The following PLAC9 variants were observed in gnomAD, a reference collection of about 807,000 sequenced individuals.
PLAC9 encodes the protein placenta-specific protein 9.
In PLAC9, 12 loss-of-function variants were observed where a neutral mutation model predicts 11.5. That is an observed-to-expected ratio of 1.05 (90% CI 0.67 to 1.69). PLAC9 has a LOEUF of 1.69. Among genes scored for constraint, PLAC9 ranks in the 40% most tolerant of loss-of-function variants. The pLI is 0.00. For missense variants in PLAC9, 132 were observed against 130.5 expected, an observed-to-expected ratio of 1.01 and a Z score of -0.06; for synonymous variants, 62 against 58.1, an observed-to-expected ratio of 1.07 and a Z score of -0.31.
upstream of PLAC9, chr10:80,131,762 T>C (rs1261875874): frequency 6.6e-6 from 1 of 152,286 alleles, no homozygotes; most frequent in African/African-American, 2.4e-5. Flanking sequence ...GTAACTGTTT[T>C]GGACAATTGC....
chr10:80,133,737 G>T (rs774928373), intron 1 of PLAC9, among the ~76,000 whole-genome samples: 1 of 152,150 alleles, frequency 6.6e-6, no homozygotes, highest in Non-Finnish European at 1.5e-5. Flanking sequence ...AAGCTCAGGA[G>T]ATCAAGACCA....
At chr10:80,144,159 C>G in intron 2 of PLAC9, 64 bp from the exon 3 acceptor site, 1 of 1,610,624 alleles carries the variant, frequency 6.2e-7, no homozygotes, top group Non-Finnish European at 8.5e-7. Flanking sequence ...CTCTTAGGAC[C>G]TAGCTGATGA....
chr10:80,144,061 C>G (rs1293976245), intron 2 of PLAC9, 162 bp from the exon 3 acceptor site: 1 of 885,778 alleles, frequency 1.1e-6, no homozygotes, highest in Non-Finnish European at 1.8e-6. Context: ...GAAACTGAGG[C>G]AGGTAGGGGC....
chr10:80,141,308 A>AC (rs1845037726), intron 1 of PLAC9, among the ~76,000 whole-genome samples: 1 of 151,784 alleles, frequency 6.6e-6, no homozygotes, highest in South Asian at 2.1e-4. Context: ...TGTTAAAATA[A>AC]CCCCCCTTGG....
chr10:80,138,950 C>T (rs1033471823), intron 1 of PLAC9, among the ~76,000 whole-genome samples: 4 of 136,264 alleles, frequency 2.9e-5, no homozygotes, highest in Non-Finnish European at 6.1e-5. Context: ...TTGCAATATT[C>T]CTTTTTTTTT....
At position 80,142,279 on chromosome 10, in the gene PLAC9, C is replaced by G. The variant is rs547169164; in HGVS notation, c.162+100C>G. The G allele has an allele frequency of 1.0e-5, 10 of 983,856 alleles. No homozygotes were observed. The African/African-American group carries it at 1.6e-4, about 16-fold the overall frequency. The allele number at this position is 983,856 out of a possible 1,614,324, so 60.9% of individuals were successfully genotyped here. ...GCTTGCTTTGGAATGTGAGGACATC[C>G]GGGCCGATCCTGCCCTGTGGCCACC... is the stretch of plus-strand genomic sequence containing the variant. On this transcript the variant is annotated intron_variant, in intron 2 of 3. Coordinates refer to ENST00000372263, the MANE Select transcript of PLAC9 (RefSeq NM_001012973.3).
chr10:80,137,127 T>C (rs970743925), intron 1 of PLAC9, among the ~76,000 whole-genome samples: 2 of 152,226 alleles, frequency 1.3e-5, no homozygotes, highest in African/African-American at 2.4e-5. Flanking sequence ...GAGGCCCCGA[T>C]GAGCTCACGG....
Position 80,145,059 on chromosome 10 carries a change from G to A in PLAC9, c.*149G>A, listed in dbSNP as rs1433141715. The A allele has an allele frequency of 6.8e-6, 7 of 1,025,026 alleles. No individual in the cohort carries two copies. Among genetic ancestry groups the A allele is most frequent in the Non-Finnish European group, 1.0e-5 (7 of 674,174 alleles). The allele number at this position is 1,025,026 out of a possible 1,614,324, so 63.5% of individuals were successfully genotyped here. On this transcript the variant is annotated 3_prime_UTR_variant, in exon 4 of 4. Coordinates refer to ENST00000372263, the MANE Select transcript of PLAC9 (RefSeq NM_001012973.3). Reference sequence around the variant, plus strand: ...TCTGTGTCTGCTGACAGAGTAACCCGTTTAACTACAGCCTCCTCTCACTCC... The same window carrying A: ...TCTGTGTCTGCTGACAGAGTAACCCATTTAACTACAGCCTCCTCTCACTCC...
chr10:80,136,188 G>C (rs575219314), intron 1 of PLAC9, among the ~76,000 whole-genome samples: 1 of 152,190 alleles, frequency 6.6e-6, no homozygotes, highest in Non-Finnish European at 1.5e-5. Flanking sequence ...CCACAGCAGC[G>C]TGTTCTCACC....
At chr10:80,140,927 G>A (rs1845032802) in intron 1 of PLAC9, among the ~76,000 whole-genome samples, 1 of 151,962 alleles carries the variant, frequency 6.6e-6, no homozygotes, top group Non-Finnish European at 1.5e-5. Flanking sequence ...CCTCTTCTTG[G>A]CCTCATGAGT....
In PLAC9 at chr10:80,145,322, A is replaced by G. The variant is rs1845091212; in HGVS notation, c.*412A>G. ...TTGCAATGAGACCCCCAGGGATTTT[A>G]TGTGTCCATTAAAGTGGTTTGTTGT... On this transcript the variant is annotated 3_prime_UTR_variant, in exon 4 of 4. Coordinates refer to ENST00000372263, the MANE Select transcript of PLAC9 (RefSeq NM_001012973.3). 2 of 294,074 alleles carry G rather than the reference A, an allele frequency of 6.8e-6. No individual in the cohort carries two copies. The highest frequency in any genetic ancestry group is 5.6e-5 in the Admixed American group (1 of 17,924). 18.2% of individuals were successfully genotyped at this position (294,074 alleles called of 1,614,324 possible).
upstream of PLAC9, chr10:80,132,631 C>G: frequency 1.4e-6 from 1 of 691,778 alleles, no homozygotes; most frequent in Non-Finnish European, 2.2e-6. Context: ...CGGGTTCTCT[C>G]GAGCCAGAAA....
chr10:80,140,467 C>T (rs1158358212), intron 1 of PLAC9, among the ~76,000 whole-genome samples: 2 of 152,206 alleles, frequency 1.3e-5, no homozygotes, highest in African/African-American at 4.8e-5. Context: ...CCGCTGCTTT[C>T]GGCCCTGCTG....
chr10:80,144,870 T>G (rs937947219), intron 3 of PLAC9, 30 bp from the exon 4 acceptor site: 1 of 1,562,140 alleles, frequency 6.4e-7, no homozygotes, highest in Non-Finnish European at 8.7e-7. Context: ...CACCCCAGCT[T>G]GCTCACTGGG....
upstream of PLAC9, chr10:80,132,719 C>A: frequency 7.0e-7 from 1 of 1,423,952 alleles, no homozygotes; most frequent in South Asian, 1.4e-5. Flanking sequence ...CCGGGAAGGG[C>A]GGCTGCGGGC....
chr10:80,138,359 T>TA (rs915049544), intron 1 of PLAC9, among the ~76,000 whole-genome samples: 2 of 152,166 alleles, frequency 1.3e-5, no homozygotes, highest in African/African-American at 4.8e-5. Context: ...ATACTTGCAT[T>TA]AAAAAAATAA....
chr10:80,142,119 T>C lies in PLAC9; in HGVS notation c.102T>C (p.Ala34=), dbSNP rs750250824. 2 of 1,611,494 alleles carry C rather than the reference T, an allele frequency of 1.2e-6. No homozygotes were observed. The highest frequency in any genetic ancestry group is 1.7e-6 in the Non-Finnish European group (2 of 1,178,020). The change falls in exon 2 of 4, where the codon GCT becomes GCC. Residue 34 remains alanine (A), a synonymous_variant. Coordinates refer to ENST00000372263, the MANE Select transcript of PLAC9 (RefSeq NM_001012973.3). ...EPFSPPRGDS[A]QSTACDRHMA... ...TCAGCCCTCCGCGAGGAGACTCAGC[T>C]CAGAGCACAGCGTGTGACAGACACA... is the stretch of plus-strand genomic sequence containing the variant.
chr10:80,142,297 T>A, intron 2 of PLAC9, 118 bp downstream of exon 2: 1 of 785,010 alleles, frequency 1.3e-6, no homozygotes. Context: ...TCCTGCCCTG[T>A]GGCCACCTCG....
upstream of PLAC9, chr10:80,132,448 G>A: frequency 2.9e-6 from 1 of 349,142 alleles, no homozygotes; most frequent in Non-Finnish European, 5.2e-6. Flanking sequence ...TTGAGCCCAA[G>A]ACCTCACCCA....
Sources: allele counts gnomAD v4.1 joint callset (sites outside exome capture counted in the v4.1 genomes callset), GRCh38; gene constraint gnomAD v4.1.1; transcripts MANE v1.5; gene names NCBI Gene and HGNC (gene_info 2026-07-23, HGNC 2026-07-21).